MAPK10: variants seen among roughly 807,000 people sequenced by gnomAD.
The protein encoded by MAPK10 is JNK3 alpha protein kinase.
MAPK10 carries 25 observed loss-of-function variants against 59.3 expected under a neutral mutation model. The ratio of observed to expected loss-of-function variants is 0.42; its 90% confidence interval spans 0.31 to 0.59. The LOEUF is 0.59. Among genes scored for constraint, MAPK10 ranks in the 20% least tolerant of loss-of-function variants. The pLI is 0.15. For missense variants in MAPK10, 351 were observed against 568.9 expected (o/e 0.62, Z 3.90); for synonymous variants, 190 against 200.5 (o/e 0.95, Z 0.44).
At chr4:86,090,791 C>CA (rs1182570206) in intron 9 of MAPK10, 1 of 151,844 alleles carries the variant, frequency 6.6e-6, no homozygotes, top group African/African-American at 2.4e-5. Flanking sequence ...ACATTGAGAC[C>CA]AAAAATCTCA....
chr4:86,329,340 G>C (rs2096096528), intron 2 of MAPK10, among the ~76,000 whole-genome samples: 1 of 152,120 alleles, frequency 6.6e-6, no homozygotes, highest in African/African-American at 2.4e-5. Flanking sequence ...ATCTCAGTCA[G>C]CTGATTAATT....
intron 1 of MAPK10, among the ~76,000 whole-genome samples, chr4:86,567,324 G>T (rs1661238556): frequency 6.6e-6 from 1 of 151,738 alleles, no homozygotes; most frequent in African/African-American, 2.4e-5. Flanking sequence ...AGGTTCAAGC[G>T]ATTCTCCTGC....
Position 86,565,902 on chromosome 4 carries a change from T to C in MAPK10, c.-263+28008A>G, listed in dbSNP as rs541192388. Among the ~76,000 whole-genome samples the C allele has an allele frequency of 7.2e-5, 11 of 152,336 alleles. No individual in the cohort carries two copies. The East Asian group carries it at 1.9e-3, about 27-fold the overall frequency. On this transcript the variant is annotated intron_variant, in intron 1 of 4. Transcript: ENST00000502302. ...TCACCACAGACTGGCCTATTCATTG[T>C]TGCCTGAACACATACTCACATTCTT...
chr4:86,537,815 A>G (rs1758363149), intron 1 of MAPK10, among the ~76,000 whole-genome samples: 3 of 152,180 alleles, frequency 2.0e-5, no homozygotes. Flanking sequence ...ATAAATGGCC[A>G]TTATTAATTT....
At chr4:86,060,433 T>C (rs1229697660) in intron 11 of MAPK10, among the ~76,000 whole-genome samples, 3 of 152,196 alleles carry the variant, frequency 2.0e-5, no homozygotes, top group Non-Finnish European at 4.4e-5. Context: ...ACAGCTTATG[T>C]TCCTCTTCTT....
At chr4:86,335,674 G>A (rs899549491) in intron 2 of MAPK10, among the ~76,000 whole-genome samples, 2 of 152,006 alleles carry the variant, frequency 1.3e-5, no homozygotes, top group African/African-American at 2.4e-5. Flanking sequence ...AAAGAAAAGA[G>A]GTTTAATGGA....
intron 1 of MAPK10, among the ~76,000 whole-genome samples, chr4:86,402,784 T>C (rs930384680): frequency 1.3e-5 from 2 of 152,110 alleles, no homozygotes; most frequent in African/African-American, 4.8e-5. Context: ...TTCGGTGGCC[T>C]CAAGTCTAAA....
At chr4:86,263,836 T>C (rs1017549225) in intron 2 of MAPK10, among the ~76,000 whole-genome samples, 5 of 152,120 alleles carry the variant, frequency 3.3e-5, no homozygotes, top group Non-Finnish European at 1.5e-5. Context: ...GCTGAAAAAA[T>C]AGTGGTAGAC....
intron 11 of MAPK10, among the ~76,000 whole-genome samples, chr4:86,038,554 AT>A (rs3836594): frequency 0.46 from 70,000 of 151,214 alleles, 17,105 homozygotes; most frequent in African/African-American, 0.63. Context: ...GAGTTTTCTA[AT>A]TTTTTTTTTC....
intron 1 of MAPK10, among the ~76,000 whole-genome samples, chr4:86,448,197 G>T (rs1022129373): frequency 6.6e-6 from 1 of 152,018 alleles, no homozygotes; most frequent in Non-Finnish European, 1.5e-5. Flanking sequence ...CTATTTCACA[G>T]CTTTCTTTCC....
At chr4:86,415,853 C>A (rs765486636) in intron 1 of MAPK10, among the ~76,000 whole-genome samples, 1 of 152,190 alleles carries the variant, frequency 6.6e-6, no homozygotes, top group South Asian at 2.1e-4. Context: ...CCAGAGCGAA[C>A]TATGTACCTA....
At chr4:86,441,859 T>C (rs1208914259) in intron 1 of MAPK10, among the ~76,000 whole-genome samples, 1 of 152,226 alleles carries the variant, frequency 6.6e-6, no homozygotes, top group East Asian at 1.9e-4. Flanking sequence ...ATTTTGTTAA[T>C]GAATAGAAAC....
chr4:86,494,225 T>C (rs1018228312), intron 1 of MAPK10, among the ~76,000 whole-genome samples: 1 of 152,156 alleles, frequency 6.6e-6, no homozygotes, highest in Non-Finnish European at 1.5e-5. Flanking sequence ...CAATCTTCCA[T>C]GTTTGTGAGT....
chr4:86,425,592 A>G (rs1389823449), intron 1 of MAPK10, among the ~76,000 whole-genome samples: 1 of 152,188 alleles, frequency 6.6e-6, no homozygotes, highest in South Asian at 2.1e-4. Context: ...TCTCTTCTCC[A>G]TTTGAACTCG....
At chr4:86,312,373 T>C (rs2095688363) in intron 2 of MAPK10, among the ~76,000 whole-genome samples, 1 of 152,122 alleles carries the variant, frequency 6.6e-6, no homozygotes, top group African/African-American at 2.4e-5. Flanking sequence ...TGTGACTAGT[T>C]TTCACATATG....
intron 2 of MAPK10, among the ~76,000 whole-genome samples, chr4:86,250,771 G>A (rs528901555): frequency 2.0e-5 from 3 of 152,226 alleles, no homozygotes; most frequent in Admixed American, 6.5e-5. Flanking sequence ...ATGTACTACT[G>A]TCAAGGAAAC....
At chr4:86,400,430 TCTCTCTCC>T (rs1743550117) in intron 1 of MAPK10, among the ~76,000 whole-genome samples, 2 of 151,934 alleles carry the variant, frequency 1.3e-5, no homozygotes, top group Admixed American at 1.3e-4. Flanking sequence ...TCTCTCTTTC[TCTCTCTCC>T]CTCTCTCTCT....
chr4:86,090,538 C>T (rs2052905489), intron 9 of MAPK10: 1 of 152,006 alleles, frequency 6.6e-6, no homozygotes, highest in Non-Finnish European at 1.5e-5. Context: ...GCAGAAATAT[C>T]AGGGAAAGAT....
At chr4:86,576,508 C>T (rs1021663402) in intron 1 of MAPK10, among the ~76,000 whole-genome samples, 2 of 152,140 alleles carry the variant, frequency 1.3e-5, no homozygotes, top group Non-Finnish European at 2.9e-5. Flanking sequence ...GGCGCGGTGG[C>T]TCACGCCTGT....
Sources: gnomAD v4.1 joint callset for allele counts (sites outside exome capture counted in the v4.1 genomes callset) on GRCh38, gnomAD v4.1.1 for gene constraint, MANE v1.5 for transcripts, NCBI Gene and HGNC (gene_info 2026-07-23, HGNC 2026-07-21) for gene names.